The following ZNF652 variants were observed in gnomAD, a reference collection of about 807,000 sequenced individuals.
ZNF652 encodes the protein zinc finger protein 652.
A neutral mutation model predicts 45.2 loss-of-function variants in ZNF652; 16 were observed. The ratio of observed to expected loss-of-function variants is 0.35; its 90% CI spans 0.24 to 0.54. The LOEUF (loss-of-function observed/expected upper bound fraction) is 0.54. Ranked by LOEUF, ZNF652 falls within the 20% of genes least tolerant of loss-of-function variation. The pLI is 0.91. For missense variants in ZNF652, 614 were observed against 765.6 expected (o/e 0.80, Z 2.34); for synonymous variants, 250 against 260.6 (o/e 0.96, Z 0.39).
chr17:49,312,105 C>T, intron 3 of ZNF652, 63 bp from the exon 4 acceptor site: 1 of 1,163,138 alleles, frequency 8.6e-7, no homozygotes, highest in Non-Finnish European at 1.3e-6. Flanking sequence ...ACTAAAAAGG[C>T]ATCCTACTGT....
intron 1 of ZNF652, among the ~76,000 whole-genome samples, chr17:49,327,241 C>A (rs1242138659): frequency 6.6e-6 from 1 of 152,108 alleles, no homozygotes; most frequent in African/African-American, 2.4e-5. Context: ...CAGCTCACTG[C>A]AACCTCTGCC....
chr17:49,331,105 G>A (rs2070018762), intron 1 of ZNF652, among the ~76,000 whole-genome samples: 1 of 148,928 alleles, frequency 6.7e-6, no homozygotes, highest in Non-Finnish European at 1.5e-5. Flanking sequence ...GAAAAGAAAA[G>A]GGCTTATGAA....
At chr17:49,324,440 G>A (rs531740848) in intron 1 of ZNF652, among the ~76,000 whole-genome samples, 1 of 152,036 alleles carries the variant, frequency 6.6e-6, no homozygotes, top group Non-Finnish European at 1.5e-5. Flanking sequence ...ACCCAGGCTG[G>A]AGTGCAGTGG....
At position 49,293,599 on chromosome 17, in the gene ZNF652, G is replaced by T. The variant is rs2069431729; in HGVS notation, c.*4814C>A. On this transcript the variant is annotated 3_prime_UTR_variant, in exon 6 of 6. Coordinates refer to ENST00000430262, the MANE Select transcript of ZNF652 (RefSeq NM_001145365.3). ...AGATGACAAAAGCAGGTTAGCTAGG[G>T]TGTTGTTATTGCATAATAATGCCAC... Among the ~76,000 whole-genome samples the T allele has an allele frequency of 6.9e-6, 1 of 144,636 alleles. No individual in the cohort carries two copies. Among genetic ancestry groups the T allele is most frequent in the Admixed American group, 7.2e-5 (1 of 13,890 alleles). 94.9% of individuals were successfully genotyped at this position (144,636 alleles called of 152,430 possible).
intron 1 of ZNF652, among the ~76,000 whole-genome samples, chr17:49,326,060 T>C (rs1367190396): frequency 6.6e-6 from 1 of 151,968 alleles, no homozygotes; most frequent in South Asian, 2.1e-4. Flanking sequence ...CAGAAACATC[T>C]GTACTCAAAA....
intron 1 of ZNF652, among the ~76,000 whole-genome samples, chr17:49,345,094 T>A (rs2070190239): frequency 6.6e-6 from 1 of 152,134 alleles, no homozygotes; most frequent in Non-Finnish European, 1.5e-5. Context: ...TTAGCCAAAT[T>A]TATAACTGCT....
Position 49,311,313 on chromosome 17 carries a change from A to G in ZNF652, c.1308T>C (p.Thr436=). Residue 436 remains threonine, a splice_region_variant and synonymous_variant, in exon 5 of 6, where the codon ACT becomes ACC. Coordinates refer to ENST00000430262, the MANE Select transcript of ZNF652 (RefSeq NM_001145365.3). ...QYFDEHMKTH[T]GEKPFICEIC... is the part of the protein sequence containing the mutation. ...GTACCTTTCCCAAGAAATTCTTACC[A>G]GTGTGTGTTTTCATGTGTTCGTCGA... The G allele has an allele frequency of 6.2e-7, 1 of 1,613,926 alleles. No homozygotes were observed. Among genetic ancestry groups the G allele is most frequent in the Non-Finnish European group, 8.5e-7 (1 of 1,179,862 alleles).
chr17:49,353,122 T>TA (rs1470799929), intron 1 of ZNF652, among the ~76,000 whole-genome samples: 2 of 152,234 alleles, frequency 1.3e-5, no homozygotes, highest in African/African-American at 4.8e-5. Flanking sequence ...TATATTAATT[T>TA]AAAAAATAAA....
intron 1 of ZNF652, among the ~76,000 whole-genome samples, chr17:49,341,127 T>G (rs1209287510): frequency 6.6e-6 from 1 of 151,728 alleles, no homozygotes; most frequent in South Asian, 2.1e-4. Context: ...AGGAGAATCA[T>G]TTGAACCCAG....
intron 5 of ZNF652, among the ~76,000 whole-genome samples, chr17:49,304,320 T>C (rs2143726925): frequency 6.6e-6 from 1 of 152,298 alleles, no homozygotes; most frequent in Non-Finnish European, 1.5e-5. Flanking sequence ...TGCTTAGTAA[T>C]CTTTTACTCA....
At chr17:49,351,028 C>T (rs947333735) in intron 1 of ZNF652, among the ~76,000 whole-genome samples, 6,725 of 99,038 alleles carry the variant, frequency 0.068, 442 homozygotes, top group Admixed American at 0.1. Context: ...CACACACACA[C>T]ACACACACAC....
intron 1 of ZNF652, among the ~76,000 whole-genome samples, chr17:49,334,943 C>T (rs2070064787): frequency 6.6e-6 from 1 of 151,928 alleles, no homozygotes; most frequent in Non-Finnish European, 1.5e-5. Context: ...GAAAGTAAAT[C>T]GTCATTAACA....
Position 49,317,396 on chromosome 17 carries a change from G to C in ZNF652, c.330C>G (p.Val110=). ...CTATGATCTGCTCCCTTTTGTAAGA[G>C]ACTTCTTCCTCTTCCTCCTCTGTGT... ...SDDTEEEEEE[V]SYKREQIIVE... The change falls in exon 2 of 6, where the codon GTC becomes GTG. Residue 110 remains valine, a synonymous_variant. Coordinates refer to ENST00000430262, the MANE Select transcript of ZNF652 (RefSeq NM_001145365.3). 1 of 1,614,002 alleles carries C rather than the reference G, an allele frequency of 6.2e-7. No individual in the cohort carries two copies.
In ZNF652 at chr17:49,293,978, TA is replaced by T. The variant is rs972701922; in HGVS notation, c.*4434del. 1.3e-5 allele frequency among the ~76,000 whole-genome samples: 2 copies of T among 152,122 alleles called. No individual in the cohort carries two copies. The highest frequency in any genetic ancestry group is 2.4e-5 in the African/African-American group (1 of 41,444). ...TAACTTTAGTTTTTTAGTTTTTTTT[TA>T]AAACATTAAAACCGACCTATCATTC... On this transcript the variant is annotated 3_prime_UTR_variant, in exon 6 of 6. Transcript: ENST00000430262.
intron 1 of ZNF652, among the ~76,000 whole-genome samples, chr17:49,350,895 G>C (rs944155783): frequency 6.7e-6 from 1 of 149,448 alleles, no homozygotes; most frequent in Non-Finnish European, 1.5e-5. Flanking sequence ...GCTTGAACCC[G>C]AGAGGCAGAG....
intron 2 of ZNF652, among the ~76,000 whole-genome samples, chr17:49,314,604 A>G (rs1327793238): frequency 6.6e-6 from 1 of 152,226 alleles, no homozygotes; most frequent in Non-Finnish European, 1.5e-5. Context: ...AGTTCCTTGT[A>G]TCATGAATCA....
At position 49,314,009 on chromosome 17, in the gene ZNF652, A is replaced by AAAAAG. The variant is rs1567920734; in HGVS notation, c.901-1169_901-1165dup. ...AAAAAAAAAAAAAAAAAAAAAAAAA[A>AAAAAG]AAAAGAAAAGAAAAGAAAATGCATT... On this transcript the variant is annotated intron_variant, in intron 2 of 5. Transcript: ENST00000430262. Among the ~76,000 whole-genome samples the AAAAAG allele has an allele frequency of 5.6e-3, 744 of 133,336 alleles. 31 individuals are homozygous for AAAAAG. The highest frequency in any genetic ancestry group is 0.02 in the African/African-American group (672 of 34,398). The allele number at this position is 133,336 out of a possible 152,430, so 87.5% of individuals were successfully genotyped here.
At chr17:49,337,836 T>G (rs1271635886) in intron 1 of ZNF652, among the ~76,000 whole-genome samples, 3 of 152,306 alleles carry the variant, frequency 2.0e-5, no homozygotes, top group African/African-American at 7.2e-5. Flanking sequence ...AAGCTTTGAT[T>G]ATTATCTACA....
At chr17:49,331,278 C>T (rs1318032594) in intron 1 of ZNF652, among the ~76,000 whole-genome samples, 8 of 151,696 alleles carry the variant, frequency 5.3e-5, no homozygotes, top group Non-Finnish European at 8.8e-5. Flanking sequence ...CCCGCTACCA[C>T]GCCCGGCTAA....
Sources: allele counts gnomAD v4.1 joint callset (sites outside exome capture counted in the v4.1 genomes callset), GRCh38; gene constraint gnomAD v4.1.1; transcripts MANE v1.5; gene names NCBI Gene and HGNC (gene_info 2026-07-23, HGNC 2026-07-21).